SLC6A12: variants seen among roughly 807,000 people sequenced by gnomAD.
SLC6A12 encodes the protein solute carrier family 6 member 12.
Under a neutral mutation model 73.3 loss-of-function variants are expected in SLC6A12, and 50 were observed. The ratio of observed to expected loss-of-function variants is 0.68; its 90% CI spans 0.54 to 0.86. The LOEUF is 0.86. Among genes scored for constraint, SLC6A12 ranks in the 40% least tolerant of loss-of-function variants. The probability of loss-of-function intolerance (pLI) is 0.00; values close to 1 mark genes in which losing one functional copy is unlikely to be tolerated. For missense variants in SLC6A12, 648 were observed against 772.8 expected (o/e 0.84, Z 1.92); for synonymous variants, 304 against 309.2 (o/e 0.98, Z 0.18).
Position 197,449 on chromosome 12 carries a change from A to T in SLC6A12, c.1003T>A (p.Phe335Ile). The change falls in exon 10 of 16, where the codon TTT becomes ATT. Residue 335 changes from phenylalanine (F) to isoleucine (I), a missense_variant. By Grantham distance (21) the Phe-to-Ile change is conservative. Transcript: ENST00000684302. ...AAGCCCAGGATGGAGAAGACAACAA[A>T]CCCAGCCACAAAGCTGGTGGCACTG... Reference protein sequence around the residue: ...LNSATSFVAGFVVFSILGFMS... With the variant: ...LNSATSFVAGIVVFSILGFMS... 6.2e-7 allele frequency: 1 copy of T among 1,612,462 alleles called. No individual in the cohort carries two copies. Among genetic ancestry groups the T allele is most frequent in the African/African-American group, 1.3e-5 (1 of 74,974 alleles).
rs915995626 is a variant in SLC6A12 at position 193,496 on chromosome 12, C to T, written c.1430-119G>A. ...CTCACCCCCGCCCTGTGCAGGGAAACTGGAACAGGGCACGTGAGTGAGACG... is the reference window on the plus strand; with the variant it reads ...CTCACCCCCGCCCTGTGCAGGGAAATTGGAACAGGGCACGTGAGTGAGACG... On this transcript the variant is annotated intron_variant, in intron 13 of 15. Transcript: ENST00000684302. 6 of 693,864 alleles carry T rather than the reference C, an allele frequency of 8.6e-6. No individual in the cohort carries two copies. The Admixed American group carries it at 1.4e-4, about 16-fold the overall frequency. The allele number at this position is 693,864 out of a possible 1,614,324, so 43.0% of individuals were successfully genotyped here.
intron 15 of SLC6A12, among the ~76,000 whole-genome samples, chr12:192,227 C>T (rs933726124): frequency 4.6e-5 from 7 of 152,200 alleles, no homozygotes; most frequent in Non-Finnish European, 5.9e-5. Context: ...GTTTGCCCTC[C>T]GTTAGCCTGC....
intron 5 of SLC6A12, among the ~76,000 whole-genome samples, chr12:202,189 G>A (rs868610232): frequency 6.6e-6 from 1 of 152,134 alleles, no homozygotes; most frequent in African/African-American, 2.4e-5. Flanking sequence ...GCAGGCCAAG[G>A]GACTGCGGCC....
intron 15 of SLC6A12, 37 bp downstream of exon 15, chr12:192,441 C>T (rs1009622029): frequency 1.7e-5 from 27 of 1,597,836 alleles, no homozygotes; most frequent in Non-Finnish European, 2.3e-5. Context: ...CTCTCAGTGC[C>T]CTCCTTTAAG....
chr12:195,278 A>G lies in SLC6A12; in HGVS notation c.1376T>C (p.Ile459Thr). ...QLFDYYASSG[I>T]CLLFLSLFEV... ...AAACAATGACAGGAACAGCAGGCAT[A>G]TGCCACTGGAAGCATAGTAGTCAAA... The change falls in exon 13 of 16, where the codon ATA (isoleucine) becomes ACA (threonine). Residue 459 changes from isoleucine (I) to threonine (T), a missense_variant. By Grantham distance (89) the Ile-to-Thr change is moderately conservative. Transcript: ENST00000684302. 1 of 1,613,832 alleles carries G rather than the reference A, an allele frequency of 6.2e-7. No individual in the cohort carries two copies. The highest frequency in any genetic ancestry group is 1.1e-5 in the South Asian group (1 of 91,082).
At chr12:210,081 A>C in intron 2 of SLC6A12, 38 bp from the exon 3 acceptor site, 1 of 1,512,726 alleles carries the variant, frequency 6.6e-7, no homozygotes. Context: ...AAAACCCGAC[A>C]TGCTCCCGCC....
At chr12:186,624 G>C (rs184545129), downstream of SLC6A12, among the ~76,000 whole-genome samples, 10 of 152,322 alleles carry the variant, frequency 6.6e-5, no homozygotes, top group South Asian at 1.9e-3. Flanking sequence ...TGCTGCTGTT[G>C]ACCATTAGTG....
intron 3 of SLC6A12, among the ~76,000 whole-genome samples, chr12:208,081 A>G (rs920322370): frequency 6.6e-6 from 1 of 152,112 alleles, no homozygotes; most frequent in Non-Finnish European, 1.5e-5. Flanking sequence ...CTGGGTGAGG[A>G]GTGTGCCGTG....
At chr12:197,166 C>CATCTATCCATCCATCTATCCATCCATCT (rs1565469115) in intron 10 of SLC6A12, among the ~76,000 whole-genome samples, 1 of 29,740 alleles carries the variant, frequency 3.4e-5, no homozygotes, top group African/African-American at 1.0e-4. Context: ...TCCATCCATC[C>CATCTATCCATCCATCTATCCATCCATCT]ATCCATCCAT....
intron 4 of SLC6A12, chr12:203,362 C>A: frequency 6.6e-6 from 1 of 151,478 alleles, no homozygotes. Context: ...GGACTGTGGA[C>A]CTTTCAGAAC....
At chr12:192,889 A>G (rs1452623667) in intron 14 of SLC6A12, 1 of 471,420 alleles carries the variant, frequency 2.1e-6, no homozygotes, top group African/African-American at 2.0e-5. Flanking sequence ...AGACGGAGAC[A>G]GGAGGCGATA....
chr12:200,733 C>A lies in SLC6A12; in HGVS notation c.629G>T (p.Arg210Leu), dbSNP rs751777813. ...TSGIHDLGSL[R>L]WELALCLLLA... is the part of the protein sequence containing the mutation. ...CAGGAGGCACAGGGCCAGCTCCCAG[C>A]GCAGGGAGCCCAGGTCATGGATGCC... The change falls in exon 7 of 16, where the codon CGC (arginine) becomes CTC (leucine). Residue 210 changes from arginine to leucine, a missense_variant. Transcript: ENST00000684302. 2 of 1,614,054 alleles carry A rather than the reference C, an allele frequency of 1.2e-6. No homozygotes were observed. The highest frequency in any genetic ancestry group is 1.3e-5 in the African/African-American group (1 of 75,030).
chr12:192,406 G>T, intron 15 of SLC6A12, 72 bp downstream of exon 15: 1 of 1,374,350 alleles, frequency 7.3e-7, no homozygotes, highest in South Asian at 1.2e-5. Context: ...GGCCCCAGTT[G>T]TGTGTCCTGC....
the SLC6A12 span, among the ~76,000 whole-genome samples, chr12:184,147 T>A: frequency 6.6e-6 from 1 of 151,988 alleles, no homozygotes; most frequent in African/African-American, 2.4e-5. Context: ...GAACAGATGA[T>A]TGAATATTAG....
chr12:199,851 A>G (rs1940117725), intron 7 of SLC6A12: 1 of 152,164 alleles, frequency 6.6e-6, no homozygotes, highest in South Asian at 2.1e-4. Context: ...CGCCACCTCA[A>G]AGACAGTTCT....
chr12:185,619 G>A (rs1175604133), downstream of SLC6A12, among the ~76,000 whole-genome samples: 1 of 152,324 alleles, frequency 6.6e-6, no homozygotes, highest in South Asian at 2.1e-4. Context: ...GAGCCTGCAA[G>A]GACTCAGCCT....
At chr12:201,600 G>A (rs951676120) in intron 6 of SLC6A12, 162 bp downstream of exon 6, 18 of 629,202 alleles carry the variant, frequency 2.9e-5, no homozygotes, top group African/African-American at 7.3e-5. Context: ...ATGTGAGAGC[G>A]TTCTCCCCTG....
the SLC6A12 span, among the ~76,000 whole-genome samples, chr12:184,526 G>A: frequency 2.9e-3 from 439 of 152,204 alleles, 4 homozygotes; most frequent in African/African-American, 0.01. Flanking sequence ...CGAGGCGGGC[G>A]GATCACGAGG....
chr12:212,709 C>T (rs937122955), intron 1 of SLC6A12, among the ~76,000 whole-genome samples: 1 of 152,114 alleles, frequency 6.6e-6, no homozygotes, highest in Non-Finnish European at 1.5e-5. Flanking sequence ...GAAGAAATGG[C>T]CCAGAGGATG....
Sources: allele counts gnomAD v4.1 joint callset (sites outside exome capture counted in the v4.1 genomes callset), GRCh38; gene constraint gnomAD v4.1.1; transcripts MANE v1.5; gene names NCBI Gene and HGNC (gene_info 2026-07-23, HGNC 2026-07-21).